Variants in UNC5D observed in about 807,000 individuals in gnomAD.
UNC5D encodes unc-5 netrin receptor D, also known as netrin receptor UNC5D.
UNC5D carries 39 observed loss-of-function variants against 105.4 expected under a neutral mutation model. The ratio of observed to expected loss-of-function variants is 0.37; its 90% CI spans 0.29 to 0.48. The LOEUF (loss-of-function observed/expected upper bound fraction) is 0.48. UNC5D is among the 20% of genes least tolerant of loss of function. UNC5D has a pLI of 0.98. For synonymous variants in UNC5D, 452 were observed against 450.4 expected, an observed-to-expected ratio of 1.00 and a Z score of -0.04; for missense variants, 991 against 1,202.4, an observed-to-expected ratio of 0.82 and a Z score of 2.60.
intron 11 of UNC5D, among the ~76,000 whole-genome samples, chr8:35,736,356 G>A (rs1829468185): frequency 6.6e-6 from 1 of 152,146 alleles, no homozygotes. Context: ...GGGCTATACA[G>A]CGAGACCCTG....
intron 15 of UNC5D, among the ~76,000 whole-genome samples, chr8:35,767,790 T>C (rs1275592360): frequency 6.6e-6 from 1 of 152,150 alleles, no homozygotes; most frequent in African/African-American, 2.4e-5. Flanking sequence ...AAAAGACATC[T>C]GATTTCCATC....
rs1018534409 is a variant in UNC5D at position 35,540,528 on chromosome 8, G to T, written c.104-8764G>T. Among the ~76,000 whole-genome samples the T allele has an allele frequency of 8.6e-5, 13 of 150,734 alleles. No individual in the cohort carries two copies. The Admixed American group carries it at 8.6e-4, about 10-fold the overall frequency. On this transcript the variant is annotated intron_variant, in intron 1 of 16. Transcript: ENST00000404895. ...CTAGAAACCTAAAAATAGAGAAAAA[G>T]CAAAAAACTTAATACAAACTTAAAT...
chr8:35,561,311 C>A (rs2130753062), intron 2 of UNC5D, among the ~76,000 whole-genome samples: 1 of 152,236 alleles, frequency 6.6e-6, no homozygotes, highest in East Asian at 1.9e-4. Flanking sequence ...TAGCCAATCC[C>A]AGCATATTGT....
chr8:35,380,157 G>A (rs1448152333), intron 1 of UNC5D, among the ~76,000 whole-genome samples: 2 of 145,956 alleles, frequency 1.4e-5, no homozygotes, highest in South Asian at 2.3e-4. Flanking sequence ...GAGACCGAGA[G>A]GGAGAGACAG....
chr8:35,765,151 T>C (rs1801709531), intron 14 of UNC5D, among the ~76,000 whole-genome samples: 1 of 152,216 alleles, frequency 6.6e-6, no homozygotes. Flanking sequence ...CCTGCTGATC[T>C]TAGGGGGGCA....
intron 1 of UNC5D, among the ~76,000 whole-genome samples, chr8:35,463,645 G>T (rs892898499): frequency 6.6e-6 from 1 of 151,600 alleles, no homozygotes; most frequent in Non-Finnish European, 1.5e-5. Flanking sequence ...AGCTAGCCAG[G>T]TGTGGTGGCA....
intron 4 of UNC5D, among the ~76,000 whole-genome samples, chr8:35,622,906 G>A (rs1821444278): frequency 6.6e-6 from 1 of 152,136 alleles, no homozygotes; most frequent in Non-Finnish European, 1.5e-5. Flanking sequence ...CTTTCTGAAT[G>A]ATCATGATCT....
chr8:35,548,866 C>CATGTA (rs1815895617), intron 1 of UNC5D, among the ~76,000 whole-genome samples: 1 of 152,202 alleles, frequency 6.6e-6, no homozygotes, highest in African/African-American at 2.4e-5. Flanking sequence ...GTTATCATCC[C>CATGTA]TGTCATTCAC....
chr8:35,638,603 A>G, intron 4 of UNC5D, among the ~76,000 whole-genome samples: 1 of 151,928 alleles, frequency 6.6e-6, no homozygotes, highest in Non-Finnish European at 1.5e-5. Context: ...GAGCCAGCCT[A>G]GGCAACATAC....
chr8:35,416,960 G>A (rs1805570617), intron 1 of UNC5D, among the ~76,000 whole-genome samples: 1 of 152,040 alleles, frequency 6.6e-6, no homozygotes, highest in South Asian at 2.1e-4. Flanking sequence ...ATTGTTGTGG[G>A]TACATAGTAG....
At chr8:35,714,880 A>C (rs749952828) in intron 8 of UNC5D, among the ~76,000 whole-genome samples, 11 of 152,088 alleles carry the variant, frequency 7.2e-5, no homozygotes, top group Non-Finnish European at 1.3e-4. Flanking sequence ...GGCCAGGCGC[A>C]GTGGCTCACG....
Position 35,256,368 on chromosome 8 carries a change from T to C in UNC5D, c.103+20481T>C, listed in dbSNP as rs138008927. The C allele has an allele frequency of 2.7e-3, 409 of 152,260 alleles. 2 individuals carry two copies. The highest frequency in any genetic ancestry group is 9.6e-3 in the African/African-American group (397 of 41,548). 9.4% of individuals were successfully genotyped at this position (152,260 alleles called of 1,614,324 possible). A position where few individuals can be genotyped will look rare whatever the true frequency, so the allele number is the denominator to read the frequency against. On this transcript the variant is annotated intron_variant, in intron 1 of 16. Coordinates refer to ENST00000404895, the MANE Select transcript of UNC5D (RefSeq NM_080872.4). The stretch of plus-strand genomic sequence containing the variant: ...AATTCAGGGGTACCTGTGCAGAACA[T>C]GCAGGTTTTTACATAGGTATACATG...
chr8:35,509,072 C>T (rs1410232187), intron 1 of UNC5D, among the ~76,000 whole-genome samples: 2 of 152,092 alleles, frequency 1.3e-5, no homozygotes, highest in Admixed American at 6.5e-5. Flanking sequence ...GAGAGGGAGG[C>T]TTGAGGAGGC....
intron 1 of UNC5D, among the ~76,000 whole-genome samples, chr8:35,535,490 G>C (rs1814767768): frequency 6.7e-6 from 1 of 149,704 alleles, no homozygotes; most frequent in Non-Finnish European, 1.5e-5. Flanking sequence ...CCAAAATCTT[G>C]AGGTACAACA....
intron 16 of UNC5D, among the ~76,000 whole-genome samples, chr8:35,779,953 T>A (rs1802427869): frequency 6.6e-6 from 1 of 152,168 alleles, no homozygotes; most frequent in Non-Finnish European, 1.5e-5. Context: ...CTAATTTTCA[T>A]ATTCCAGAAA....
At chr8:35,264,505 A>G (rs1051580195) in intron 1 of UNC5D, among the ~76,000 whole-genome samples, 1 of 152,140 alleles carries the variant, frequency 6.6e-6, no homozygotes, top group African/African-American at 2.4e-5. Context: ...AGGTGGGTGG[A>G]TCACCTGAGG....
At chr8:35,580,488 G>A (rs1478216373) in intron 3 of UNC5D, among the ~76,000 whole-genome samples, 4 of 151,926 alleles carry the variant, frequency 2.6e-5, no homozygotes, top group Non-Finnish European at 5.9e-5. Flanking sequence ...GAACATGAGT[G>A]AAAATCTGTA....
intron 1 of UNC5D, among the ~76,000 whole-genome samples, chr8:35,281,522 C>T (rs1011132938): frequency 7.9e-5 from 12 of 151,946 alleles, no homozygotes; most frequent in African/African-American, 2.9e-4. Flanking sequence ...TCACTGCAAC[C>T]TCCGCCTCCC....
intron 1 of UNC5D, among the ~76,000 whole-genome samples, chr8:35,506,990 T>C (rs1812345320): frequency 6.6e-6 from 1 of 152,090 alleles, no homozygotes; most frequent in South Asian, 2.1e-4. Flanking sequence ...CAAATCTACC[T>C]TCATTGAAGG....
Sources: allele counts gnomAD v4.1 joint callset (sites outside exome capture counted in the v4.1 genomes callset), GRCh38; gene constraint gnomAD v4.1.1; transcripts MANE v1.5; gene names NCBI Gene and HGNC (gene_info 2026-07-23, HGNC 2026-07-21).